The following ARHGEF11 variants were observed in gnomAD, a reference collection of about 807,000 sequenced individuals.
ARHGEF11 encodes the protein Rho guanine exchange factor (GEF) 11.
A neutral mutation model predicts 193.7 loss-of-function variants in ARHGEF11; 55 were observed. The ratio of observed to expected loss-of-function variants is 0.28; its 90% CI spans 0.23 to 0.36. The LOEUF (loss-of-function observed/expected upper bound fraction) is 0.36. Ranked by LOEUF, ARHGEF11 falls within the 10% of genes least tolerant of loss-of-function variation. ARHGEF11 has a pLI of 1.00. For missense variants in ARHGEF11, 1,723 were observed against 2,005.6 expected, an observed-to-expected ratio of 0.86 and a Z score of 2.69; for synonymous variants, 693 against 768.0, an observed-to-expected ratio of 0.90 and a Z score of 1.62.
At position 156,963,732 on chromosome 1, in the gene ARHGEF11, G is replaced by GC. The variant is rs1020847755; in HGVS notation, c.964-139dup. On this transcript the variant is annotated intron_variant, in intron 11 of 40. Transcript: ENST00000368194. Reference sequence around the variant, plus strand: ...TGGTGAACGTTGGCATCTCACTCCCGCCCCCAAAATCAGAGCACAGATGAA... The same window carrying GC: ...TGGTGAACGTTGGCATCTCACTCCCGCCCCCCAAAATCAGAGCACAGATGAA... 55 of 1,469,540 alleles carry GC rather than the reference G, an allele frequency of 3.7e-5. No individual in the cohort carries two copies. The African/African-American group carries it at 6.2e-4, about 17-fold the overall frequency. 91.0% of individuals were successfully genotyped at this position (1,469,540 alleles called of 1,614,324 possible). A position where few individuals can be genotyped will look rare whatever the true frequency, so the allele number is the denominator to read the frequency against.
At chr1:157,027,036 T>C (rs1187944745) in intron 1 of ARHGEF11, among the ~76,000 whole-genome samples, 1 of 152,196 alleles carries the variant, frequency 6.6e-6, no homozygotes, top group Non-Finnish European at 1.5e-5. Context: ...AAAACCCTAA[T>C]TGGAGATTTT....
chr1:157,030,471 A>T (rs115401396), intron 1 of ARHGEF11, among the ~76,000 whole-genome samples: 19 of 152,304 alleles, frequency 1.2e-4, no homozygotes, highest in African/African-American at 4.3e-4. Context: ...GCCATGGACA[A>T]GGAAATTGTA....
intron 5 of ARHGEF11, among the ~76,000 whole-genome samples, chr1:156,978,792 CA>C (rs1438141064): frequency 1.3e-5 from 2 of 152,262 alleles, no homozygotes; most frequent in Admixed American, 1.3e-4. Context: ...CTTTCTTCAA[CA>C]TTTGTTGTTT....
At chr1:157,024,014 T>C (rs574128146) in intron 1 of ARHGEF11, among the ~76,000 whole-genome samples, 23 of 152,268 alleles carry the variant, frequency 1.5e-4, no homozygotes, top group African/African-American at 4.8e-4. Context: ...TTATTCATAA[T>C]AGCCAAAAAG....
intron 40 of ARHGEF11, among the ~76,000 whole-genome samples, chr1:156,936,497 A>AAAAAAATATAT (rs370282821): frequency 8.8e-5 from 3 of 33,910 alleles, no homozygotes; most frequent in South Asian, 1.6e-3. Flanking sequence ...AAAAAAAAAA[A>AAAAAAATATAT]ATATATATAT....
In ARHGEF11 at chr1:156,936,683, A is replaced by G. The variant is rs576615985; in HGVS notation, c.4630+133T>C. 101 of 1,066,388 alleles carry G rather than the reference A, an allele frequency of 9.5e-5. No homozygotes were observed. The African/African-American group carries it at 1.4e-3, about 14-fold the overall frequency. The allele number at this position is 1,066,388 out of a possible 1,614,324, so 66.1% of individuals were successfully genotyped here. A position where few individuals can be genotyped will look rare whatever the true frequency, so the allele number is the denominator to read the frequency against. ...AAAAAGATCCCTCTCTGAAGCTGAG[A>G]GAATGAACTCGTTTCACTCAAGGGG... On this transcript the variant is annotated intron_variant, in intron 40 of 40. Coordinates refer to ENST00000368194, the MANE Select transcript of ARHGEF11 (RefSeq NM_198236.3).
At chr1:156,957,123 GCT>G (rs1218539309) in intron 18 of ARHGEF11, among the ~76,000 whole-genome samples, 1 of 152,138 alleles carries the variant, frequency 6.6e-6, no homozygotes, top group Non-Finnish European at 1.5e-5. Flanking sequence ...AATGTCCAGA[GCT>G]CTGTTTAAAA....
At chr1:157,009,788 T>C (rs1383817892) in intron 1 of ARHGEF11, among the ~76,000 whole-genome samples, 2 of 152,216 alleles carry the variant, frequency 1.3e-5, no homozygotes, top group Admixed American at 6.5e-5. Context: ...CACTAAGATA[T>C]CCAGGACCTG....
At chr1:157,016,964 C>T (rs1669321376) in intron 1 of ARHGEF11, among the ~76,000 whole-genome samples, 1 of 152,106 alleles carries the variant, frequency 6.6e-6, no homozygotes, top group South Asian at 2.1e-4. Flanking sequence ...GCACACCCCA[C>T]GACATCCAGA....
rs767953692 is a variant in ARHGEF11 at position 156,940,249 on chromosome 1, G to A, written c.3691C>T (p.Pro1231Ser). 16 of 1,608,520 alleles carry A rather than the reference G, an allele frequency of 9.9e-6. No individual in the cohort carries two copies. Among genetic ancestry groups the A allele is most frequent in the African/African-American group, 1.3e-5 (1 of 74,864 alleles). Residue 1231 changes from proline (P) to serine (S), a missense_variant, in exon 36 of 41, where the codon CCT becomes TCT. Physicochemically the swap from Pro to Ser is moderately conservative, Grantham distance 74 (BLOSUM62 -1). Transcript: ENST00000368194. Reference protein sequence around the residue: ...RNPIHLAFPGPLFMEGLADSA... With the variant: ...RNPIHLAFPGSLFMEGLADSA... ...TCAGCGAGCCCTTCCATGAACAGAG[G>A]GCCTGGGAAGGCCAAGTGGATGGGG...
At position 156,956,458 on chromosome 1, in the gene ARHGEF11, T is replaced by C; in HGVS notation, c.1633A>G (p.Lys545Glu). The C allele has an allele frequency of 6.2e-7, 1 of 1,614,124 alleles. No individual in the cohort carries two copies. The highest frequency in any genetic ancestry group is 8.5e-7 in the Non-Finnish European group (1 of 1,180,002). ...GGGAAGAACGGTAGCCACTTGTCCT[T>C]GTCAGGAGCAGACTGGGCCTTTTCA... ...TAEKAQSAPD[K>E]DKWLPFFPKT... The change falls in exon 19 of 41, where the codon AAG becomes GAG. Residue 545 changes from lysine to glutamate, a missense_variant. Lys to Glu is a moderately conservative substitution (Grantham distance 56, BLOSUM62 1). Coordinates refer to ENST00000368194, the MANE Select transcript of ARHGEF11 (RefSeq NM_198236.3).
At chr1:156,936,336 T>C in intron 40 of ARHGEF11, 1 of 580,432 alleles carries the variant, frequency 1.7e-6, no homozygotes, top group South Asian at 1.5e-5. Context: ...AATCATTTAA[T>C]CAGCACGAGT....
At chr1:156,977,171 T>C (rs1297309405) in intron 6 of ARHGEF11, 117 bp from the exon 7 acceptor site, 6 of 889,364 alleles carry the variant, frequency 6.7e-6, no homozygotes, top group South Asian at 1.4e-5. Flanking sequence ...GGATCATAAG[T>C]ATGTTTTATT....
At chr1:156,938,390 T>C in intron 38 of ARHGEF11, 28 bp downstream of exon 38, 5 of 1,606,244 alleles carry the variant, frequency 3.1e-6, no homozygotes, top group Non-Finnish European at 4.3e-6. Context: ...TCTTGGCCTG[T>C]CTTTAGCTCC....
chr1:156,992,928 G>A (rs971502551), intron 1 of ARHGEF11, among the ~76,000 whole-genome samples: 3 of 152,170 alleles, frequency 2.0e-5, no homozygotes, highest in African/African-American at 7.2e-5. Context: ...ATAACATCAC[G>A]TCCTTTCCAT....
rs1656521546 is a variant in ARHGEF11 at position 156,940,193 on chromosome 1, C to T, written c.3733+14G>A. 6.4e-7 allele frequency: 1 copy of T among 1,564,548 alleles called. No individual in the cohort carries two copies. The highest frequency in any genetic ancestry group is 8.7e-7 in the Non-Finnish European group (1 of 1,152,006). ...GGGGACCAGGGGCTGACGGCAGGGCCTTGAAGCACTCACCATCTTCCAGAG... is the reference window on the plus strand; with the variant it reads ...GGGGACCAGGGGCTGACGGCAGGGCTTTGAAGCACTCACCATCTTCCAGAG... On this transcript the variant is annotated intron_variant, in intron 36 of 40. Transcript: ENST00000368194.
rs1478607429 is a variant in ARHGEF11 at position 157,045,686 on chromosome 1, G to C, written c.-1356C>G. ...CGCGGCCGCTCGGGACGCCAGGCTC[G>C]GCGCACAGGGAAGGCTGCGGCGGCT... On this transcript the variant is annotated 5_prime_UTR_variant, in exon 1 of 41. Coordinates refer to ENST00000368194, the MANE Select transcript of ARHGEF11 (RefSeq NM_198236.3). Among the ~76,000 whole-genome samples, 2 of 150,356 alleles carry C rather than the reference G, an allele frequency of 1.3e-5. No individual in the cohort carries two copies. Among genetic ancestry groups the C allele is most frequent in the African/African-American group, 4.9e-5 (2 of 41,202 alleles).
chr1:157,036,701 G>C (rs147213130), intron 1 of ARHGEF11, among the ~76,000 whole-genome samples: 2 of 152,308 alleles, frequency 1.3e-5, no homozygotes, highest in East Asian at 3.9e-4. Flanking sequence ...GTCTAAGGAA[G>C]GTTAAGTATC....
intron 6 of ARHGEF11, among the ~76,000 whole-genome samples, 192 bp from the exon 7 acceptor site, chr1:156,977,246 T>C (rs1232685547): frequency 6.6e-6 from 1 of 152,256 alleles, no homozygotes; most frequent in Non-Finnish European, 1.5e-5. Context: ...AATTTGGCTG[T>C]AATCACCTTT....
Sources: allele counts gnomAD v4.1 joint callset (sites outside exome capture counted in the v4.1 genomes callset), GRCh38; gene constraint gnomAD v4.1.1; transcripts MANE v1.5; gene names NCBI Gene and HGNC (gene_info 2026-07-23, HGNC 2026-07-21).